The following KHDRBS1 variants were observed in gnomAD, a reference collection of about 807,000 sequenced individuals.
The protein encoded by KHDRBS1 is KH RNA binding domain containing, signal transduction associated 1.
KHDRBS1 carries 7 observed loss-of-function variants against 48.4 expected under a neutral mutation model. That is an observed-to-expected ratio of 0.14 (90% CI 0.08 to 0.27). KHDRBS1 has a LOEUF of 0.27. KHDRBS1 is among the 10% of genes least tolerant of loss of function. KHDRBS1 has a pLI of 1.00. For synonymous variants in KHDRBS1, 241 were observed against 235.8 expected, an observed-to-expected ratio of 1.02 and a Z score of -0.20; for missense variants, 458 against 601.2, an observed-to-expected ratio of 0.76 and a Z score of 2.49.
Position 32,033,111 on chromosome 1 carries a change from TG to T in KHDRBS1, c.625-76del, listed in dbSNP as rs1569794579. 4 of 1,117,954 alleles carry T rather than the reference TG, an allele frequency of 3.6e-6. No homozygotes were observed. The East Asian group carries it at 9.5e-5, about 26-fold the overall frequency. 69.3% of individuals were successfully genotyped at this position (1,117,954 alleles called of 1,614,324 possible). A position where few individuals can be genotyped will look rare whatever the true frequency, so the allele number is the denominator to read the frequency against. On this transcript the variant is annotated intron_variant, in intron 3 of 8. Coordinates refer to ENST00000327300, the MANE Select transcript of KHDRBS1 (RefSeq NM_006559.3). ...CATGGACATTAGGGGTATTTCTTGC[TG>T]TTCCTTTGGCTTAGAGGTAAAGGTG...
At chr1:32,016,228 T>C (rs1029129402) in intron 1 of KHDRBS1, among the ~76,000 whole-genome samples, 4 of 148,416 alleles carry the variant, frequency 2.7e-5, no homozygotes, top group Non-Finnish European at 4.5e-5. Flanking sequence ...AAGAAAAATA[T>C]AGCTAACACT....
At chr1:32,029,322 CT>C (rs956092139) in intron 1 of KHDRBS1, among the ~76,000 whole-genome samples, 1 of 152,146 alleles carries the variant, frequency 6.6e-6, no homozygotes, top group South Asian at 2.1e-4. Flanking sequence ...TTATGTATAA[CT>C]TTTTACATAT....
At chr1:32,049,637 C>T (rs1048958871) in intron 10 of KHDRBS1, among the ~76,000 whole-genome samples, 2 of 151,494 alleles carry the variant, frequency 1.3e-5, no homozygotes, top group African/African-American at 2.4e-5. Context: ...CTGGGTCATA[C>T]GGTGACTCTG....
chr1:32,033,047 A>T, intron 3 of KHDRBS1, 141 bp from the exon 4 acceptor site: 1 of 597,780 alleles, frequency 1.7e-6, no homozygotes, highest in Non-Finnish European at 2.9e-6. Flanking sequence ...TTTTTTGTTT[A>T]ATTCTTCTCA....
At chr1:32,052,146 T>G (rs747802352) in intron 10 of KHDRBS1, 3 of 152,210 alleles carry the variant, frequency 2.0e-5, no homozygotes, top group Non-Finnish European at 4.4e-5. Flanking sequence ...ATTAGGCAAC[T>G]GATACTAGAA....
At position 32,040,408 on chromosome 1, in the gene KHDRBS1, C is replaced by T. The variant is rs1301610248; in HGVS notation, c.1234+835C>T. On this transcript the variant is annotated intron_variant, in intron 8 of 8. Transcript: ENST00000327300. ...TCCAGCCTGGGCAACAAAAGTCCGT[C>T]TCAAAAAAAAAAAATAGTGCCTATT... Among the ~76,000 whole-genome samples the T allele has an allele frequency of 1.0e-4, 15 of 148,992 alleles. No homozygotes were observed. The South Asian group carries it at 3.2e-3, about 31-fold the overall frequency.
intron 4 of KHDRBS1, among the ~76,000 whole-genome samples, chr1:32,034,237 A>T (rs1639133067): frequency 6.6e-6 from 1 of 152,210 alleles, no homozygotes; most frequent in African/African-American, 2.4e-5. Context: ...ATGTGGTGTC[A>T]GATGATGTGA....
At chr1:32,051,685 G>A (rs1265336810) in intron 10 of KHDRBS1, among the ~76,000 whole-genome samples, 1 of 152,150 alleles carries the variant, frequency 6.6e-6, no homozygotes, top group Non-Finnish European at 1.5e-5. Flanking sequence ...GTGGACACTT[G>A]GCAGTGACAG....
intron 1 of KHDRBS1, among the ~76,000 whole-genome samples, chr1:32,027,471 C>T (rs923577574): frequency 1.6e-4 from 24 of 152,164 alleles, no homozygotes; most frequent in African/African-American, 5.1e-4. Flanking sequence ...TAGGATTACC[C>T]TCACAAGTAG....
intron 1 of KHDRBS1, among the ~76,000 whole-genome samples, chr1:32,021,433 G>A (rs1335717161): frequency 6.6e-6 from 1 of 152,042 alleles, no homozygotes; most frequent in Non-Finnish European, 1.5e-5. Flanking sequence ...TTGGCTTTGT[G>A]CTCTTGCTTG....
chr1:32,048,956 T>C (rs1397728211), intron 10 of KHDRBS1, among the ~76,000 whole-genome samples: 1 of 151,980 alleles, frequency 6.6e-6, no homozygotes, highest in Non-Finnish European at 1.5e-5. Context: ...TCCAAGGGTT[T>C]AGCCAGTCAC....
chr1:32,058,811 A>G (rs1639511115), intron 10 of KHDRBS1, among the ~76,000 whole-genome samples: 1 of 152,164 alleles, frequency 6.6e-6, no homozygotes, highest in South Asian at 2.1e-4. Flanking sequence ...AACAACAACA[A>G]AAAAGGTCTA....
At chr1:32,021,269 G>C (rs927263919) in intron 1 of KHDRBS1, among the ~76,000 whole-genome samples, 1 of 151,880 alleles carries the variant, frequency 6.6e-6, no homozygotes, top group Admixed American at 6.6e-5. Context: ...GGCCTTTGGG[G>C]GATTTTTTTT....
At chr1:32,034,882 G>A (rs983234843) in intron 4 of KHDRBS1, among the ~76,000 whole-genome samples, 2 of 151,952 alleles carry the variant, frequency 1.3e-5, no homozygotes, top group Non-Finnish European at 2.9e-5. Flanking sequence ...TCGGGAGGCT[G>A]GGGCAGGAGA....
chr1:32,059,042 G>A (rs1207561662), intron 10 of KHDRBS1, among the ~76,000 whole-genome samples: 3 of 151,182 alleles, frequency 2.0e-5, no homozygotes, highest in African/African-American at 2.4e-5. Context: ...CTGTAATCCC[G>A]GCTACTTGGG....
intron 1 of KHDRBS1, among the ~76,000 whole-genome samples, chr1:32,028,984 C>T (rs930710699): frequency 6.6e-5 from 10 of 152,100 alleles, no homozygotes; most frequent in African/African-American, 2.4e-4. Context: ...CAGTCTGACT[C>T]GCTCTATTGT....
chr1:32,047,220 G>A (rs1639367555), downstream of KHDRBS1, among the ~76,000 whole-genome samples: 1 of 152,154 alleles, frequency 6.6e-6, no homozygotes, highest in African/African-American at 2.4e-5. Flanking sequence ...GTGCAGTGGT[G>A]TGATTTCAGC....
intron 10 of KHDRBS1, among the ~76,000 whole-genome samples, chr1:32,056,218 A>C (rs763740510): frequency 6.7e-6 from 1 of 150,310 alleles, no homozygotes; most frequent in Non-Finnish European, 1.5e-5. Flanking sequence ...CATGTACACA[A>C]GCTAACCCCA....
At chr1:32,015,514 G>A (rs921570018) in intron 1 of KHDRBS1, among the ~76,000 whole-genome samples, 3 of 152,156 alleles carry the variant, frequency 2.0e-5, no homozygotes, top group Non-Finnish European at 4.4e-5. Flanking sequence ...TAAGGTAAGG[G>A]ATCTTTACCA....
Sources: allele counts gnomAD v4.1 joint callset (sites outside exome capture counted in the v4.1 genomes callset), GRCh38; gene constraint gnomAD v4.1.1; transcripts MANE v1.5; gene names NCBI Gene and HGNC (gene_info 2026-07-23, HGNC 2026-07-21).